The following PRKD1 variants were observed in gnomAD, a reference collection of about 807,000 sequenced individuals.
The protein encoded by PRKD1 is protein kinase D1.
In PRKD1, 63 loss-of-function variants were observed where a neutral mutation model predicts 95.9. The ratio of observed to expected loss-of-function variants is 0.66; its 90% confidence interval spans 0.54 to 0.81. The LOEUF is 0.81. Among genes scored for constraint, PRKD1 ranks in the 30% least tolerant of loss-of-function variants. The pLI, the probability that PRKD1 is intolerant of heterozygous loss-of-function variation, is 0.00. For missense variants in PRKD1, 1,048 were observed against 1,165.3 expected (o/e 0.90, Z 1.47); for synonymous variants, 425 against 423.1 (o/e 1.00, Z -0.05).
At chr14:29,600,133 C>T (rs538153016) in intron 13 of PRKD1, among the ~76,000 whole-genome samples, 3 of 152,064 alleles carry the variant, frequency 2.0e-5, no homozygotes, top group Non-Finnish European at 4.4e-5. Flanking sequence ...GGATCATCCC[C>T]AATATTAAAC....
chr14:29,619,851 AG>A (rs1879126376), intron 13 of PRKD1, among the ~76,000 whole-genome samples: 1 of 152,168 alleles, frequency 6.6e-6, no homozygotes, highest in Non-Finnish European at 1.5e-5. Context: ...GGTTTCTTTC[AG>A]CCTGCATCAC....
At chr14:29,671,716 C>A (rs1882853888) in intron 2 of PRKD1, among the ~76,000 whole-genome samples, 1 of 152,042 alleles carries the variant, frequency 6.6e-6, no homozygotes. Flanking sequence ...TAGATGAGTA[C>A]TTAAAAGCTT....
At chr14:29,838,231 A>T (rs1428958395) in intron 1 of PRKD1, among the ~76,000 whole-genome samples, 1 of 152,134 alleles carries the variant, frequency 6.6e-6, no homozygotes, top group Non-Finnish European at 1.5e-5. Context: ...TCATACTTAA[A>T]GTTTAAATAC....
chr14:29,919,858 C>T (rs764970884), intron 1 of PRKD1, among the ~76,000 whole-genome samples: 2 of 151,816 alleles, frequency 1.3e-5, no homozygotes, highest in African/African-American at 2.4e-5. Flanking sequence ...CTCAGCTACT[C>T]GGGAGGCTGA....
intron 16 of PRKD1, among the ~76,000 whole-genome samples, chr14:29,597,114 T>C (rs1029342518): frequency 3.3e-5 from 5 of 152,162 alleles, no homozygotes; most frequent in Non-Finnish European, 7.4e-5. Context: ...ATATGATCAT[T>C]AAAATATCAA....
chr14:29,655,532 T>C (rs1405484251), intron 4 of PRKD1, among the ~76,000 whole-genome samples: 1 of 152,174 alleles, frequency 6.6e-6, no homozygotes, highest in African/African-American at 2.4e-5. Flanking sequence ...CAACTCTCAA[T>C]TGACCAAGGT....
Position 29,719,424 on chromosome 14 carries a change from TG to T in PRKD1, c.403+6111del, listed in dbSNP as rs1014519960. 8.8e-4 allele frequency among the ~76,000 whole-genome samples: 134 copies of T among 152,344 alleles called. 1 individual carries two copies. Among genetic ancestry groups the T allele is most frequent in the African/African-American group, 2.7e-3 (111 of 41,578 alleles). On this transcript the variant is annotated intron_variant, in intron 2 of 17. Coordinates refer to ENST00000331968, the MANE Select transcript of PRKD1 (RefSeq NM_002742.3). ...TCCTGAAGCTCACTGCTACTTTTGC[TG>T]TTACAAATATCATCAATGGTCCCTG...
chr14:29,846,219 A>G (rs1025769144), intron 1 of PRKD1, among the ~76,000 whole-genome samples: 1 of 152,192 alleles, frequency 6.6e-6, no homozygotes, highest in Non-Finnish European at 1.5e-5. Flanking sequence ...TGATTTATGG[A>G]GCTTACATTT....
In PRKD1 at chr14:29,772,034, G is replaced by A. The variant is rs551248240; in HGVS notation, c.265-46360C>T. On this transcript the variant is annotated intron_variant, in intron 1 of 17. Coordinates refer to ENST00000331968, the MANE Select transcript of PRKD1 (RefSeq NM_002742.3). ...ACTGGAGAGAAATTTGCCTCAGGGCGAATCATACAATGACTCTCAGCCATA... is the reference window on the plus strand; with the variant it reads ...ACTGGAGAGAAATTTGCCTCAGGGCAAATCATACAATGACTCTCAGCCATA... Among the ~76,000 whole-genome samples the A allele has an allele frequency of 8.0e-4, 122 of 152,276 alleles. 1 individual carries two copies. Among genetic ancestry groups the A allele is most frequent in the Admixed American group, 1.7e-3 (26 of 15,292 alleles).
At chr14:29,689,302 T>C (rs761982537) in intron 2 of PRKD1, among the ~76,000 whole-genome samples, 3 of 151,592 alleles carry the variant, frequency 2.0e-5, no homozygotes, top group Non-Finnish European at 4.4e-5. Context: ...GAAAATGACA[T>C]GAACAGACAT....
Position 29,599,128 on chromosome 14 carries a change from G to A in PRKD1, c.2068-3C>T. On this transcript the variant is annotated splice_polypyrimidine_tract_variant and splice_region_variant and intron_variant, in intron 14 of 17. Transcript: ENST00000331968. ...AGGTGCCGCAAAGCCACGAGTATCT[G>A]TAAAGAAGAATCACCAAAATTTCAT... 1 of 1,610,806 alleles carries A rather than the reference G, an allele frequency of 6.2e-7. No homozygotes were observed. Among genetic ancestry groups the A allele is most frequent in the Non-Finnish European group, 8.5e-7 (1 of 1,177,436 alleles).
rs1323784142 is a variant in PRKD1 at position 29,739,900 on chromosome 14, C to A, written c.265-14226G>T. The stretch of plus-strand genomic sequence containing the variant: ...AGCAATAAGATATGACTTAATAAAT[C>A]ATTAACTCTAATGCAGCAATTTCTG... On this transcript the variant is annotated intron_variant, in intron 1 of 17. Coordinates refer to ENST00000331968, the MANE Select transcript of PRKD1 (RefSeq NM_002742.3). Among the ~76,000 whole-genome samples the A allele has an allele frequency of 2.6e-5, 4 of 152,084 alleles. No homozygotes were observed. The East Asian group carries it at 7.7e-4, about 29-fold the overall frequency.
chr14:29,650,412 A>G (rs1881419490), intron 4 of PRKD1: 1 of 152,444 alleles, frequency 6.6e-6, no homozygotes. Flanking sequence ...TATCCCCTTC[A>G]GGGCTGAAGC....
intron 16 of PRKD1, among the ~76,000 whole-genome samples, chr14:29,581,523 A>G (rs1264330946): frequency 6.6e-6 from 1 of 152,202 alleles, no homozygotes; most frequent in Non-Finnish European, 1.5e-5. Flanking sequence ...CCTAGGCAAT[A>G]CAGCTGAATT....
intron 1 of PRKD1, among the ~76,000 whole-genome samples, chr14:29,911,630 G>C (rs1343605291): frequency 3.3e-5 from 5 of 152,172 alleles, no homozygotes; most frequent in Admixed American, 3.3e-4. Context: ...ACTCTGAGTA[G>C]TATGATCCAC....
At chr14:29,783,571 T>A (rs1414534395) in intron 1 of PRKD1, among the ~76,000 whole-genome samples, 1 of 152,212 alleles carries the variant, frequency 6.6e-6, no homozygotes, top group Non-Finnish European at 1.5e-5. Flanking sequence ...CTAAGAAGCC[T>A]CCATACATTT....
chr14:29,757,080 A>G (rs761819209), intron 1 of PRKD1, among the ~76,000 whole-genome samples: 1 of 152,344 alleles, frequency 6.6e-6, no homozygotes, highest in Non-Finnish European at 1.5e-5. Flanking sequence ...TATGGGTTAA[A>G]TGAATCAATC....
intron 1 of PRKD1, among the ~76,000 whole-genome samples, chr14:29,898,981 T>TG (rs1384271756): frequency 1.3e-5 from 2 of 152,212 alleles, no homozygotes; most frequent in East Asian, 3.8e-4. Flanking sequence ...TATAATATCT[T>TG]GATCACTGAA....
chr14:29,916,038 A>G (rs1236868589), intron 1 of PRKD1, among the ~76,000 whole-genome samples: 1 of 152,208 alleles, frequency 6.6e-6, no homozygotes, highest in African/African-American at 2.4e-5. Flanking sequence ...AATGTCAGGA[A>G]GGTTTTGTTC....
Sources: allele counts gnomAD v4.1 joint callset (sites outside exome capture counted in the v4.1 genomes callset), GRCh38; gene constraint gnomAD v4.1.1; transcripts MANE v1.5; gene names NCBI Gene and HGNC (gene_info 2026-07-23, HGNC 2026-07-21).